NWD2: variants seen among roughly 807,000 people sequenced by gnomAD.
NWD2 encodes NACHT and WD repeat domain containing 2.
In NWD2, 37 loss-of-function variants were observed where a neutral mutation model predicts 132.7. The ratio of observed to expected loss-of-function variants is 0.28; its 90% CI spans 0.21 to 0.37. The LOEUF (loss-of-function observed/expected upper bound fraction) is 0.37, where lower values mean the gene tolerates loss of function less well. Ranked by LOEUF, NWD2 falls within the 10% of genes least tolerant of loss-of-function variation. NWD2 has a pLI of 1.00. For synonymous variants in NWD2, 705 were observed against 803.0 expected, an observed-to-expected ratio of 0.88 and a Z score of 2.06; for missense variants, 1,592 against 2,122.4, an observed-to-expected ratio of 0.75 and a Z score of 4.91.
rs151101097 is a variant in NWD2 at position 37,265,446 on chromosome 4, C to G, written c.151+20228C>G. Among the ~76,000 whole-genome samples the G allele has an allele frequency of 5.9e-5, 9 of 152,202 alleles. No homozygotes were observed. The East Asian group carries it at 1.7e-3, about 29-fold the overall frequency. ...TAGCACAAAGTTATTGTCTTGAGTT[C>G]TGGAGGTCAGAAGTCCGAATTCAGT... On this transcript the variant is annotated intron_variant, in intron 1 of 6. Coordinates refer to ENST00000309447, the MANE Select transcript of NWD2 (RefSeq NM_001144990.2).
chr4:37,423,073 GT>G (rs1711872380), intron 3 of NWD2, among the ~76,000 whole-genome samples: 1 of 151,894 alleles, frequency 6.6e-6, no homozygotes, highest in Admixed American at 6.6e-5. Context: ...ATAATTGAAT[GT>G]TTTGGAATGA....
chr4:37,413,793 A>T (rs573491119), intron 3 of NWD2, among the ~76,000 whole-genome samples: 2 of 152,308 alleles, frequency 1.3e-5, no homozygotes, highest in Admixed American at 1.3e-4. Context: ...ATGCAGCCAT[A>T]AAAAAGGATG....
intron 3 of NWD2, among the ~76,000 whole-genome samples, chr4:37,422,266 G>A (rs974125520): frequency 1.3e-5 from 2 of 152,176 alleles, no homozygotes; most frequent in Non-Finnish European, 2.9e-5. Context: ...TGTTTTACAT[G>A]TGGGTTGCCG....
chr4:37,444,552 T>C lies in NWD2; in HGVS notation c.2564T>C (p.Ile855Thr). 1 of 1,551,836 alleles carries C rather than the reference T, an allele frequency of 6.4e-7. No homozygotes were observed. Among genetic ancestry groups the C allele is most frequent in the Non-Finnish European group, 8.7e-7 (1 of 1,147,038 alleles). ...GKTDDLLYGI[I>T]MNFSWLYTMI... ...ACCGATGACCTGCTTTACGGCATCA[T>C]CATGAACTTCAGCTGGCTTTATACC... The change falls in exon 7 of 7, where the codon ATC becomes ACC. Residue 855 changes from isoleucine to threonine, a missense_variant. By Grantham distance (89) the Ile-to-Thr change is moderately conservative (BLOSUM62 -1). This residue lies in a region of NWD2 where 1,071 missense variants were observed against 1,398.0 expected (regional missense o/e 0.77). Transcript: ENST00000309447. The surrounding 1 kb of genome is among the most constrained non-coding windows in gnomAD (Gnocchi z 4.8).
chr4:37,262,215 T>C (rs1431660515), intron 1 of NWD2, among the ~76,000 whole-genome samples: 1 of 152,208 alleles, frequency 6.6e-6, no homozygotes, highest in Non-Finnish European at 1.5e-5. Context: ...TTGTAATTCA[T>C]AGAAGTCAAC....
chr4:37,352,190 T>A (rs1240496222), intron 2 of NWD2, among the ~76,000 whole-genome samples: 5 of 152,190 alleles, frequency 3.3e-5, no homozygotes, highest in African/African-American at 4.8e-5. Context: ...AGGTGTCTAT[T>A]AAGTCCCCTG....
intron 3 of NWD2, among the ~76,000 whole-genome samples, chr4:37,403,472 A>T (rs983143332): frequency 6.6e-6 from 1 of 152,174 alleles, no homozygotes; most frequent in African/African-American, 2.4e-5. Flanking sequence ...TCGTGCTCCT[A>T]GTACAGGGGG....
intron 4 of NWD2, among the ~76,000 whole-genome samples, chr4:37,432,159 T>C (rs1020137425): frequency 2.6e-5 from 4 of 152,030 alleles, no homozygotes; most frequent in African/African-American, 9.7e-5. Context: ...CTCTCTTCTG[T>C]TCCCTCTGTT....
intron 1 of NWD2, among the ~76,000 whole-genome samples, chr4:37,307,309 G>A (rs747208419): frequency 7.9e-5 from 12 of 152,076 alleles, no homozygotes; most frequent in Non-Finnish European, 1.5e-4. Context: ...ATTTCTTGTC[G>A]TGTAGGTCTA....
chr4:37,271,073 T>G (rs967307829), intron 1 of NWD2, among the ~76,000 whole-genome samples: 29 of 151,864 alleles, frequency 1.9e-4, no homozygotes, highest in African/African-American at 6.8e-4. Context: ...AATCTGTTTC[T>G]AGACTCAGTC....
intron 1 of NWD2, among the ~76,000 whole-genome samples, chr4:37,253,596 T>A (rs1717442674): frequency 6.6e-6 from 1 of 152,178 alleles, no homozygotes; most frequent in Non-Finnish European, 1.5e-5. Context: ...TTACCTCATA[T>A]AAAGAAGACA....
chr4:37,316,635 A>C (rs1253991704), intron 1 of NWD2, among the ~76,000 whole-genome samples: 1 of 152,092 alleles, frequency 6.6e-6, no homozygotes, highest in Admixed American at 6.6e-5. Context: ...GGTTTTCCAC[A>C]GGTGTCTTGG....
chr4:37,261,239 G>C (rs1234720560), intron 1 of NWD2, among the ~76,000 whole-genome samples: 1 of 152,096 alleles, frequency 6.6e-6, no homozygotes, highest in Admixed American at 6.6e-5. Flanking sequence ...CAACCAGCTG[G>C]CGTGCATTAA....
chr4:37,303,327 A>T (rs1221461673), intron 1 of NWD2, among the ~76,000 whole-genome samples: 1 of 152,176 alleles, frequency 6.6e-6, no homozygotes, highest in African/African-American at 2.4e-5. Context: ...TTTTTATACC[A>T]GTATCATGCT....
Position 37,438,930 on chromosome 4 carries a change from T to C in NWD2, c.836T>C (p.Met279Thr). The change falls in exon 6 of 7, where the codon ATG becomes ACG. Residue 279 changes from methionine (M) to threonine (T), a missense_variant. Met to Thr is a moderately conservative substitution (Grantham distance 81). This residue lies in a region of NWD2 where 1,071 missense variants were observed against 1,398.0 expected (regional missense o/e 0.77). Coordinates refer to ENST00000309447, the MANE Select transcript of NWD2 (RefSeq NM_001144990.2). ...AAAATCCCAGAGATGGGAAAATACA[T>C]GGATATAACTGGAACAGAACCGAGG... ...FVKIPEMGKY[M>T]DITGTEPRII... 6.4e-7 allele frequency: 1 copy of C among 1,552,024 alleles called. No individual in the cohort carries two copies. The highest frequency in any genetic ancestry group is 8.7e-7 in the Non-Finnish European group (1 of 1,147,062).
rs1357267925 is a variant in NWD2 at position 37,443,918 on chromosome 4, C to A, written c.1930C>A (p.Gln644Lys). The A allele has an allele frequency of 1.9e-6, 3 of 1,552,330 alleles. No homozygotes were observed. The highest frequency in any genetic ancestry group is 2.4e-5 in the South Asian group (2 of 84,062). Residue 644 changes from glutamine (Q) to lysine (K), a missense_variant, in exon 7 of 7, where the codon CAG (glutamine) becomes AAG (lysine). Coordinates refer to ENST00000309447, the MANE Select transcript of NWD2 (RefSeq NM_001144990.2). This position sits in a 1 kb window ranked among gnomAD's most constrained non-coding sequence, Gnocchi z 4.1. ...TGTCACCGTTCATGAAAGTATAGAG[C>A]AGTTATTCTGGTCCTTGGAGAAGAA... ...LSVTVHESIE[Q>K]LFWSLEKKCG...
intron 1 of NWD2, among the ~76,000 whole-genome samples, chr4:37,290,086 C>A (rs1718327396): frequency 6.6e-6 from 1 of 152,104 alleles, no homozygotes; most frequent in Admixed American, 6.6e-5. Flanking sequence ...TGAAAGTAAG[C>A]AAAAGGGAAA....
intron 3 of NWD2, among the ~76,000 whole-genome samples, chr4:37,390,827 G>A (rs1248971120): frequency 6.6e-6 from 1 of 152,110 alleles, no homozygotes; most frequent in Non-Finnish European, 1.5e-5. Flanking sequence ...GAAGACGTTC[G>A]GTAAATATTT....
intron 1 of NWD2, among the ~76,000 whole-genome samples, chr4:37,258,941 T>C (rs925465733): frequency 2.4e-4 from 36 of 152,202 alleles, no homozygotes; most frequent in Non-Finnish European, 4.9e-4. Flanking sequence ...GGCAGACCCA[T>C]GCTGTGGAGA....
Sources: allele counts gnomAD v4.1 joint callset (sites outside exome capture counted in the v4.1 genomes callset), GRCh38; gene constraint gnomAD v4.1.1; regional missense constraint gnomAD v4.1.1; non-coding constraint Gnocchi (gnomAD v3.1); transcripts MANE v1.5; gene names NCBI Gene and HGNC (gene_info 2026-07-23, HGNC 2026-07-21).